Variants in NRG1 observed in about 807,000 individuals in gnomAD.
The protein encoded by NRG1 is pro-neuregulin-1, membrane-bound isoform.
In NRG1, 18 loss-of-function variants were observed where a neutral mutation model predicts 63.8. The ratio of observed to expected loss-of-function variants is 0.28; its 90% CI spans 0.19 to 0.42. NRG1 has a LOEUF of 0.42. NRG1 is among the 10% of genes least tolerant of loss of function. NRG1 has a pLI of 1.00. For synonymous variants in NRG1, 302 were observed against 301.3 expected, an observed-to-expected ratio of 1.00 and a Z score of -0.02; for missense variants, 762 against 814.7, an observed-to-expected ratio of 0.94 and a Z score of 0.79.
chr8:31,924,714 T>G (rs1834195707), intron 1 of NRG1, among the ~76,000 whole-genome samples: 1 of 151,956 alleles, frequency 6.6e-6, no homozygotes, highest in African/African-American at 2.4e-5. Flanking sequence ...ATATTCAACT[T>G]TCTTCCTTTC....
intron 1 of NRG1, among the ~76,000 whole-genome samples, chr8:31,898,733 T>TA (rs1333419543): frequency 2.6e-5 from 4 of 152,104 alleles, no homozygotes; most frequent in Non-Finnish European, 5.9e-5. Flanking sequence ...AATATAAAAT[T>TA]AAATTAACTC....
chr8:32,249,155 TA>T (rs1848856815), intron 1 of NRG1, among the ~76,000 whole-genome samples: 1 of 152,102 alleles, frequency 6.6e-6, no homozygotes, highest in African/African-American at 2.4e-5. Flanking sequence ...ATTTTATTTT[TA>T]TTTTTTTCAG....
intron 1 of NRG1, among the ~76,000 whole-genome samples, chr8:31,754,669 C>A (rs889938895): frequency 6.6e-6 from 1 of 152,034 alleles, no homozygotes; most frequent in East Asian, 1.9e-4. Context: ...GAAAGAAAAC[C>A]TTGCATTCCA....
chr8:31,641,116 A>C (rs1803731092), intron 1 of NRG1, among the ~76,000 whole-genome samples: 1 of 152,052 alleles, frequency 6.6e-6, no homozygotes, highest in Admixed American at 6.5e-5. Flanking sequence ...GTCCCGCAGG[A>C]TTTTAACGCC....
At chr8:32,383,758 C>A (rs1406550842) in intron 1 of NRG1, among the ~76,000 whole-genome samples, 1 of 152,218 alleles carries the variant, frequency 6.6e-6, no homozygotes, top group Non-Finnish European at 1.5e-5. Flanking sequence ...GCAGAATCAT[C>A]TTCAGTACTT....
intron 1 of NRG1, among the ~76,000 whole-genome samples, chr8:32,562,630 G>A (rs1399571657): frequency 2.0e-5 from 3 of 152,050 alleles, no homozygotes; most frequent in African/African-American, 4.8e-5. Flanking sequence ...GAAGGATGAC[G>A]GCATGGTTTC....
chr8:32,407,860 A>G (rs1280378853), intron 1 of NRG1, among the ~76,000 whole-genome samples: 1 of 152,160 alleles, frequency 6.6e-6, no homozygotes, highest in Admixed American at 6.5e-5. Context: ...GAATTTGACT[A>G]TAGGGTCTCA....
chr8:32,284,823 A>G (rs1009346238), intron 1 of NRG1, among the ~76,000 whole-genome samples: 11 of 152,180 alleles, frequency 7.2e-5, no homozygotes, highest in Admixed American at 2.0e-4. Flanking sequence ...TACTGGGATT[A>G]CAGGCATGAG....
At chr8:31,681,331 T>C (rs1177155638) in intron 1 of NRG1, among the ~76,000 whole-genome samples, 2 of 152,124 alleles carry the variant, frequency 1.3e-5, no homozygotes, top group African/African-American at 4.8e-5. Flanking sequence ...CTTGTTAAAA[T>C]GTTCAGTAGC....
chr8:31,644,916 G>A (rs1346121934), intron 1 of NRG1, among the ~76,000 whole-genome samples: 2 of 151,976 alleles, frequency 1.3e-5, no homozygotes, highest in Non-Finnish European at 2.9e-5. Flanking sequence ...ATTTTGATTA[G>A]CTTTGTATAG....
chr8:31,695,380 G>A (rs1286979710), intron 1 of NRG1, among the ~76,000 whole-genome samples: 2 of 152,182 alleles, frequency 1.3e-5, no homozygotes, highest in South Asian at 2.1e-4. Context: ...CTGTTGGCGA[G>A]GCTGATCTCA....
At chr8:31,653,955 C>CT (rs35705418) in intron 1 of NRG1, among the ~76,000 whole-genome samples, 107,785 of 146,808 alleles carry the variant, frequency 0.73, 39,724 homozygotes, top group Admixed American at 0.76. Flanking sequence ...TCATGATGCG[C>CT]TTTTTTTTTT....
intron 1 of NRG1, among the ~76,000 whole-genome samples, chr8:32,157,145 C>T (rs372890166): frequency 3.7e-4 from 56 of 150,242 alleles, no homozygotes; most frequent in African/African-American, 1.2e-3. Flanking sequence ...CCAAGGCGGG[C>T]GGATCACTTG....
At chr8:32,716,225 A>G (rs1380228928) in intron 5 of NRG1, among the ~76,000 whole-genome samples, 1 of 152,194 alleles carries the variant, frequency 6.6e-6, no homozygotes. Context: ...TGCTACACAT[A>G]TTTTGCATTA....
intron 1 of NRG1, among the ~76,000 whole-genome samples, chr8:31,947,906 C>T (rs991434598): frequency 3.0e-5 from 4 of 132,380 alleles, no homozygotes; most frequent in African/African-American, 5.8e-5. Flanking sequence ...GATCATGCCA[C>T]TGCGCTCCAG....
chr8:32,328,192 GGT>G (rs1371984815), intron 1 of NRG1, among the ~76,000 whole-genome samples: 1 of 152,020 alleles, frequency 6.6e-6, no homozygotes, highest in East Asian at 1.9e-4. Context: ...ATGCTGTGAG[GGT>G]GTGTGACTCA....
At chr8:32,452,002 T>C (rs1051166582) in intron 1 of NRG1, among the ~76,000 whole-genome samples, 3 of 152,064 alleles carry the variant, frequency 2.0e-5, no homozygotes, top group African/African-American at 2.4e-5. Flanking sequence ...CTTTTTTGTA[T>C]TTTTTGGTAG....
intron 1 of NRG1, among the ~76,000 whole-genome samples, chr8:31,643,754 C>T (rs1319651142): frequency 2.0e-5 from 3 of 152,192 alleles, no homozygotes; most frequent in African/African-American, 7.2e-5. Context: ...CCGATTAAAT[C>T]TCTATTATTC....
At chr8:32,616,270 T>C (rs1847349391) in intron 4 of NRG1, among the ~76,000 whole-genome samples, 1 of 152,108 alleles carries the variant, frequency 6.6e-6, no homozygotes, top group South Asian at 2.1e-4. Flanking sequence ...GTATGATTTA[T>C]TTAATTAGCA....
Sources: gnomAD v4.1 joint callset for allele counts (sites outside exome capture counted in the v4.1 genomes callset) on GRCh38, gnomAD v4.1.1 for gene constraint, MANE v1.5 for transcripts, NCBI Gene and HGNC (gene_info 2026-07-23, HGNC 2026-07-21) for gene names.